Variants in DNAH14 observed in about 807,000 individuals in gnomAD.
The protein encoded by DNAH14 is dynein axonemal heavy chain 14.
Under a neutral mutation model 520.9 loss-of-function variants are expected in DNAH14, and 478 were observed. The observed-to-expected ratio is 0.92, with a 90% confidence interval of 0.85 to 0.99. The LOEUF (loss-of-function observed/expected upper bound fraction) is 0.99, where lower values mean the gene tolerates loss of function less well. Among genes scored for constraint, DNAH14 ranks in the 50% least tolerant of loss-of-function variants. The pLI is 0.00. For missense variants in DNAH14, 4,831 were observed against 5,234.5 expected (o/e 0.92, Z 2.38); for synonymous variants, 1,581 against 1,757.2 (o/e 0.90, Z 2.51).
chr1:225,318,880 G>A (rs1399318413), intron 61 of DNAH14, among the ~76,000 whole-genome samples: 2 of 152,042 alleles, frequency 1.3e-5, no homozygotes, highest in African/African-American at 4.8e-5. Flanking sequence ...ATTTTATGAT[G>A]CCTTCAATTG....
chr1:225,372,576 C>T (rs1421907417), intron 77 of DNAH14, among the ~76,000 whole-genome samples: 2 of 151,844 alleles, frequency 1.3e-5, no homozygotes, highest in South Asian at 2.1e-4. Context: ...AATAAATTCC[C>T]GAATGGAATA....
At chr1:225,262,057 A>G (rs1574368955) in intron 46 of DNAH14, among the ~76,000 whole-genome samples, 1 of 152,132 alleles carries the variant, frequency 6.6e-6, no homozygotes, top group East Asian at 1.9e-4. Context: ...TGCACCTAAA[A>G]CATACAAATA....
At chr1:225,103,288 T>A (rs1303595462) in intron 23 of DNAH14, among the ~76,000 whole-genome samples, 1 of 152,252 alleles carries the variant, frequency 6.6e-6, no homozygotes, top group African/African-American at 2.4e-5. Context: ...TTTTGGTTAC[T>A]ATAGCCTTGT....
intron 8 of DNAH14, among the ~76,000 whole-genome samples, chr1:224,984,213 GAAGA>G (rs2062462611): frequency 6.6e-6 from 1 of 152,132 alleles, no homozygotes; most frequent in Non-Finnish European, 1.5e-5. Flanking sequence ...CAATGAAACA[GAAGA>G]GAGAACCCAG....
intron 73 of DNAH14, among the ~76,000 whole-genome samples, chr1:225,356,270 A>G (rs2095427727): frequency 6.6e-6 from 1 of 152,212 alleles, no homozygotes; most frequent in Admixed American, 6.6e-5. Flanking sequence ...GGCCTTAGGC[A>G]ACACTGAGCC....
chr1:225,304,833 C>T, intron 57 of DNAH14, 75 bp from the exon 58 acceptor site: 4 of 1,254,938 alleles, frequency 3.2e-6, no homozygotes, highest in Non-Finnish European at 4.3e-6. Context: ...TTAATTAATT[C>T]TAAGTGTTCA....
intron 1 of DNAH14, among the ~76,000 whole-genome samples, chr1:224,947,948 T>G (rs1476773290): frequency 6.6e-6 from 1 of 152,112 alleles, no homozygotes; most frequent in Non-Finnish European, 1.5e-5. Context: ...TATGATCCAG[T>G]AGGTGGTTGA....
intron 36 of DNAH14, among the ~76,000 whole-genome samples, chr1:225,168,262 G>C (rs771039109): frequency 1.3e-5 from 2 of 152,178 alleles, no homozygotes; most frequent in Non-Finnish European, 2.9e-5. Context: ...AATGATTTCT[G>C]CATTTCCAAC....
intron 38 of DNAH14, among the ~76,000 whole-genome samples, chr1:225,201,501 G>A (rs989062659): frequency 1.3e-5 from 2 of 152,170 alleles, no homozygotes; most frequent in Admixed American, 6.5e-5. Context: ...GGCTCTGTCA[G>A]AGGGAAGGTC....
intron 43 of DNAH14, among the ~76,000 whole-genome samples, chr1:225,245,709 C>T (rs1330239124): frequency 6.6e-6 from 1 of 152,078 alleles, no homozygotes; most frequent in Non-Finnish European, 1.5e-5. Flanking sequence ...CAAACTGCTG[C>T]TCAAGGAAAT....
intron 36 of DNAH14, among the ~76,000 whole-genome samples, chr1:225,175,599 T>C (rs1365879115): frequency 6.6e-6 from 1 of 151,962 alleles, no homozygotes; most frequent in South Asian, 2.1e-4. Flanking sequence ...GTTTTATTGA[T>C]CTTTTGTATT....
At chr1:225,038,238 G>A (rs1384589246) in intron 11 of DNAH14, among the ~76,000 whole-genome samples, 2 of 151,894 alleles carry the variant, frequency 1.3e-5, no homozygotes, top group African/African-American at 4.8e-5. Context: ...AGGGTTGAAC[G>A]GTTTTGTTTT....
intron 26 of DNAH14, among the ~76,000 whole-genome samples, chr1:225,122,164 C>T (rs944345478): frequency 6.6e-5 from 10 of 151,922 alleles, no homozygotes; most frequent in African/African-American, 2.4e-4. Flanking sequence ...AAGTTAGTAC[C>T]GCTTTATTTT....
At chr1:225,266,919 A>G (rs1042476953) in intron 49 of DNAH14, 150 bp downstream of exon 49, 2 of 620,678 alleles carry the variant, frequency 3.2e-6, no homozygotes, top group Non-Finnish European at 5.2e-6. Flanking sequence ...TAAACTAACT[A>G]TATTAATCAT....
At chr1:224,970,755 A>G (rs1023446330) in intron 7 of DNAH14, among the ~76,000 whole-genome samples, 2 of 152,184 alleles carry the variant, frequency 1.3e-5, no homozygotes, top group African/African-American at 4.8e-5. Context: ...CAGATGTGGA[A>G]GAAAATGTAC....
chr1:224,939,609 G>A (rs780813854), intron 1 of DNAH14, among the ~76,000 whole-genome samples: 9 of 152,078 alleles, frequency 5.9e-5, no homozygotes, highest in South Asian at 2.1e-4. Context: ...GCGTGAACCC[G>A]GGAGGTGGAG....
intron 38 of DNAH14, among the ~76,000 whole-genome samples, chr1:225,200,886 A>G (rs1357491526): frequency 1.3e-5 from 2 of 152,068 alleles, no homozygotes; most frequent in African/African-American, 2.4e-5. Flanking sequence ...AGCTTCTTGT[A>G]TTTAAATGTC....
intron 42 of DNAH14, among the ~76,000 whole-genome samples, chr1:225,234,587 C>T (rs922737707): frequency 8.5e-5 from 13 of 152,168 alleles, no homozygotes; most frequent in Admixed American, 4.6e-4. Flanking sequence ...TGAAGAATGT[C>T]GATGGTAGTT....
chr1:225,179,110 T>A (rs1184991546), intron 36 of DNAH14, among the ~76,000 whole-genome samples: 1 of 152,334 alleles, frequency 6.6e-6, no homozygotes, highest in East Asian at 1.9e-4. Flanking sequence ...GGATATGTCC[T>A]TATTAGCAGT....
Sources: gnomAD v4.1 joint callset for allele counts (sites outside exome capture counted in the v4.1 genomes callset) on GRCh38, gnomAD v4.1.1 for gene constraint, MANE v1.5 for transcripts, NCBI Gene and HGNC (gene_info 2026-07-23, HGNC 2026-07-21) for gene names.